The following ZNF804A variants were observed in gnomAD, a reference collection of about 807,000 sequenced individuals.
ZNF804A encodes the protein zinc finger protein 804A.
A neutral mutation model predicts 16.5 loss-of-function variants in ZNF804A; 2 were observed. The ratio of observed to expected loss-of-function variants is 0.12; its 90% CI spans 0.05 to 0.38. The LOEUF (loss-of-function observed/expected upper bound fraction) is 0.38, where lower values mean the gene tolerates loss of function less well. Ranked by LOEUF, ZNF804A falls within the 10% of genes least tolerant of loss-of-function variation. The pLI, the probability that ZNF804A is intolerant of heterozygous loss-of-function variation, is 0.99. For synonymous variants in ZNF804A, 534 were observed against 489.6 expected (o/e 1.09, Z -1.20); for missense variants, 1,473 against 1,390.7 (o/e 1.06, Z -0.94).
rs201456176 is a variant in ZNF804A at position 184,938,537 on chromosome 2, A to G, written c.3141A>G (p.Val1047=). ...PLENHDKFKN[V]PCEVYQHILQ... The stretch of plus-strand genomic sequence containing the variant: ...AAAACCATGACAAATTCAAAAATGT[A>G]CCATGTGAGGTCTACCAGCACATTC... The change falls in exon 4 of 4, where the codon GTA becomes GTG. Residue 1047 remains valine, a synonymous_variant. Coordinates refer to ENST00000302277, the MANE Select transcript of ZNF804A (RefSeq NM_194250.2). 5 of 1,614,106 alleles carry G rather than the reference A, an allele frequency of 3.1e-6. No homozygotes were observed. The East Asian group carries it at 6.7e-5, about 22-fold the overall frequency.
intron 1 of ZNF804A, among the ~76,000 whole-genome samples, chr2:184,609,808 T>TC: frequency 6.6e-6 from 1 of 152,250 alleles, no homozygotes; most frequent in East Asian, 1.9e-4. Flanking sequence ...TTTCAGCATA[T>TC]GTATTTTGGG....
chr2:184,612,500 G>A (rs183692116), intron 1 of ZNF804A, among the ~76,000 whole-genome samples: 157 of 151,050 alleles, frequency 1.0e-3, no homozygotes, highest in Middle Eastern at 6.8e-3. Context: ...GTGCAGTGGT[G>A]TGATCTTGGC....
intron 1 of ZNF804A, among the ~76,000 whole-genome samples, chr2:184,681,301 C>T (rs1286038713): frequency 2.6e-5 from 4 of 152,138 alleles, no homozygotes; most frequent in Non-Finnish European, 5.9e-5. Context: ...AAAAAAATCC[C>T]ACTAAAAGCA....
chr2:184,865,519 C>A (rs1439274727), intron 1 of ZNF804A, among the ~76,000 whole-genome samples: 1 of 151,950 alleles, frequency 6.6e-6, no homozygotes, highest in Non-Finnish European at 1.5e-5. Context: ...GGCTCTTTTG[C>A]CATTATTTGT....
At chr2:184,875,528 C>T (rs1246571272) in intron 2 of ZNF804A, among the ~76,000 whole-genome samples, 3 of 152,108 alleles carry the variant, frequency 2.0e-5, no homozygotes, top group Non-Finnish European at 2.9e-5. Flanking sequence ...ATGCTGCCCT[C>T]ATGTTTCTTG....
intron 1 of ZNF804A, among the ~76,000 whole-genome samples, chr2:184,845,459 G>C (rs1168632639): frequency 2.0e-5 from 3 of 151,956 alleles, no homozygotes; most frequent in African/African-American, 7.3e-5. Context: ...TGGCTACAGA[G>C]TTTCCTGTCA....
chr2:184,855,749 C>T (rs968038938), intron 1 of ZNF804A, among the ~76,000 whole-genome samples: 3 of 151,862 alleles, frequency 2.0e-5, no homozygotes, highest in Non-Finnish European at 4.4e-5. Context: ...ATTCTGTTTT[C>T]AGTGAGTTGG....
intron 1 of ZNF804A, among the ~76,000 whole-genome samples, chr2:184,837,561 A>C (rs1695371257): frequency 6.6e-6 from 1 of 152,164 alleles, no homozygotes; most frequent in South Asian, 2.1e-4. Context: ...GCATAATTGC[A>C]GCAGTGATTT....
intron 1 of ZNF804A, among the ~76,000 whole-genome samples, chr2:184,762,565 A>G (rs952579314): frequency 6.6e-6 from 1 of 151,952 alleles, no homozygotes; most frequent in Non-Finnish European, 1.5e-5. Context: ...CCATACATTG[A>G]TAAAAGCCAA....
Position 184,936,623 on chromosome 2 carries a change from A to T in ZNF804A, c.1227A>T (p.Ile409=). Residue 409 remains isoleucine, a synonymous_variant, in exon 4 of 4, where the codon ATA becomes ATT. Coordinates refer to ENST00000302277, the MANE Select transcript of ZNF804A (RefSeq NM_194250.2). ...CTTCAAATACTGAAGAGGTTAACAT[A>T]ACTATACATAAGAAAACAAATTTCT... ...LAPSNTEEVN[I]TIHKKTNFCK... is the part of the protein sequence containing the mutation. 2 of 1,614,068 alleles carry T rather than the reference A, an allele frequency of 1.2e-6. No homozygotes were observed. Among genetic ancestry groups the T allele is most frequent in the Non-Finnish European group, 1.7e-6 (2 of 1,179,970 alleles).
At chr2:184,717,068 G>A (rs1328794078) in intron 1 of ZNF804A, among the ~76,000 whole-genome samples, 1 of 151,678 alleles carries the variant, frequency 6.6e-6, no homozygotes, top group Non-Finnish European at 1.5e-5. Flanking sequence ...ATCCTGGCAG[G>A]GTATCAGATG....
chr2:184,913,066 T>C (rs1314602775), intron 2 of ZNF804A, among the ~76,000 whole-genome samples: 2 of 152,120 alleles, frequency 1.3e-5, no homozygotes, highest in African/African-American at 2.4e-5. Context: ...GATTTAGTTT[T>C]ATATTTATGT....
intron 1 of ZNF804A, among the ~76,000 whole-genome samples, chr2:184,725,697 T>C (rs1372471528): frequency 6.6e-6 from 1 of 151,492 alleles, no homozygotes; most frequent in Non-Finnish European, 1.5e-5. Context: ...ACCACATAGG[T>C]AAATTTGTGT....
At chr2:184,813,633 T>A (rs929476361) in intron 1 of ZNF804A, among the ~76,000 whole-genome samples, 1 of 152,166 alleles carries the variant, frequency 6.6e-6, no homozygotes, top group South Asian at 2.1e-4. Context: ...AAGAAGTGAA[T>A]GAAAGTATGC....
intron 1 of ZNF804A, among the ~76,000 whole-genome samples, chr2:184,696,232 T>C (rs530875770): frequency 6.6e-6 from 1 of 152,256 alleles, no homozygotes; most frequent in African/African-American, 2.4e-5. Context: ...AAGGCGAGAT[T>C]GGGTTTAAAA....
intron 1 of ZNF804A, among the ~76,000 whole-genome samples, chr2:184,607,334 G>A (rs557600156): frequency 6.6e-6 from 1 of 152,126 alleles, no homozygotes; most frequent in Non-Finnish European, 1.5e-5. Flanking sequence ...AAGGAAAAAG[G>A]TTTAATTGAC....
chr2:184,663,979 T>C (rs1692219173), intron 1 of ZNF804A, among the ~76,000 whole-genome samples: 1 of 152,202 alleles, frequency 6.6e-6, no homozygotes, highest in Non-Finnish European at 1.5e-5. Context: ...TAGAAGAATA[T>C]GGAAGATAAT....
chr2:184,844,177 C>T (rs932663581), intron 1 of ZNF804A, among the ~76,000 whole-genome samples: 25 of 151,350 alleles, frequency 1.7e-4, no homozygotes, highest in African/African-American at 6.1e-4. Context: ...TAATTATACC[C>T]CCCCCCATTT....
chr2:184,839,565 C>T (rs1416141614), intron 1 of ZNF804A, among the ~76,000 whole-genome samples: 1 of 150,972 alleles, frequency 6.6e-6, no homozygotes, highest in Non-Finnish European at 1.5e-5. Flanking sequence ...ACAGGTTGCC[C>T]TCTCTTTCAA....
Sources: gnomAD v4.1 joint callset for allele counts (sites outside exome capture counted in the v4.1 genomes callset) on GRCh38, gnomAD v4.1.1 for gene constraint, MANE v1.5 for transcripts, NCBI Gene and HGNC (gene_info 2026-07-23, HGNC 2026-07-21) for gene names.